The following ME1 variants were observed in gnomAD, a reference collection of about 807,000 sequenced individuals.
ME1 encodes the protein NADP-dependent malic enzyme.
A neutral mutation model predicts 66.4 loss-of-function variants in ME1; 74 were observed. The ratio of observed to expected loss-of-function variants is 1.11; its 90% CI spans 0.92 to 1.35. The LOEUF (loss-of-function observed/expected upper bound fraction) is 1.35, where lower values mean the gene tolerates loss of function less well. Among genes scored for constraint, ME1 ranks in the 40% most tolerant of loss-of-function variants. ME1 has a pLI of 0.00. For missense variants in ME1, 750 were observed against 694.1 expected (o/e 1.08, Z -0.90); for synonymous variants, 251 against 235.6 (o/e 1.07, Z -0.60).
chr6:83,215,764 AGACTTC>A (rs1419069784), intron 13 of ME1, among the ~76,000 whole-genome samples: 1 of 152,192 alleles, frequency 6.6e-6, no homozygotes, highest in Non-Finnish European at 1.5e-5. Context: ...TCTTTATCTT[AGACTTC>A]TAGCTCCCAG....
intron 9 of ME1, among the ~76,000 whole-genome samples, chr6:83,235,470 A>ATTT (rs10691116): frequency 0.24 from 30,733 of 128,004 alleles, 4,261 homozygotes; most frequent in Middle Eastern, 0.29. Context: ...AGCAATAGCT[A>ATTT]TTTTTTTTTT....
intron 3 of ME1, among the ~76,000 whole-genome samples, chr6:83,397,405 C>T (rs12214015): frequency 0.47 from 71,084 of 151,970 alleles, 18,467 homozygotes; most frequent in African/African-American, 0.69. Context: ...TCACAGAAAT[C>T]GAAATTAAAA....
chr6:83,342,045 A>G (rs1034545296), intron 5 of ME1, among the ~76,000 whole-genome samples: 1 of 152,148 alleles, frequency 6.6e-6, no homozygotes, highest in Non-Finnish European at 1.5e-5. Flanking sequence ...TCCACAACCA[A>G]TCAGATGTTT....
At chr6:83,224,428 A>G (rs987037618) in intron 11 of ME1, among the ~76,000 whole-genome samples, 1 of 152,148 alleles carries the variant, frequency 6.6e-6, no homozygotes, top group Non-Finnish European at 1.5e-5. Flanking sequence ...CATGCCTGCA[A>G]TCCCAGCACT....
At chr6:83,267,261 C>A (rs1767004125) in intron 6 of ME1, among the ~76,000 whole-genome samples, 1 of 152,112 alleles carries the variant, frequency 6.6e-6, no homozygotes, top group Admixed American at 6.6e-5. Context: ...CAGATTATTA[C>A]AAACAAATTG....
At chr6:83,404,267 T>G (rs1583419885) in intron 2 of ME1, among the ~76,000 whole-genome samples, 1 of 85,064 alleles carries the variant, frequency 1.2e-5, no homozygotes, top group South Asian at 2.9e-4. Context: ...TGATGATGAG[T>G]TTTTTTTCAT....
chr6:83,242,221 G>A (rs1323618303), intron 7 of ME1, among the ~76,000 whole-genome samples: 2 of 152,112 alleles, frequency 1.3e-5, no homozygotes, highest in Admixed American at 6.6e-5. Context: ...TAAACAGATC[G>A]AATTTTTCTT....
At chr6:83,292,394 C>T (rs116367914) in intron 6 of ME1, among the ~76,000 whole-genome samples, 11 of 152,292 alleles carry the variant, frequency 7.2e-5, no homozygotes, top group African/African-American at 1.7e-4. Flanking sequence ...GCAGTTACTT[C>T]GCAGTTTGCT....
intron 12 of ME1, among the ~76,000 whole-genome samples, chr6:83,220,244 G>T (rs529431428): frequency 6.6e-6 from 1 of 152,190 alleles, no homozygotes; most frequent in South Asian, 2.1e-4. Context: ...TTATCTAAAG[G>T]GTCCTCTGAG....
chr6:83,369,747 A>T (rs1339703342), intron 3 of ME1, among the ~76,000 whole-genome samples: 2 of 152,118 alleles, frequency 1.3e-5, no homozygotes, highest in Non-Finnish European at 2.9e-5. Flanking sequence ...TCCAATCCAT[A>T]GAAAACGATT....
At chr6:83,426,357 T>A (rs1770370489) in intron 1 of ME1, among the ~76,000 whole-genome samples, 1 of 152,244 alleles carries the variant, frequency 6.6e-6, no homozygotes, top group African/African-American at 2.4e-5. Flanking sequence ...GCACACATTT[T>A]GTTATTGTGA....
At chr6:83,300,408 C>T (rs1462262309) in intron 6 of ME1, among the ~76,000 whole-genome samples, 1 of 151,900 alleles carries the variant, frequency 6.6e-6, no homozygotes, top group Non-Finnish European at 1.5e-5. Flanking sequence ...AACTAAAGAG[C>T]TTCTCCACAG....
intron 3 of ME1, chr6:83,393,456 G>T: frequency 1.8e-6 from 1 of 549,968 alleles, no homozygotes; most frequent in South Asian, 2.0e-5. Context: ...GGAAGAGAGC[G>T]GCCCTCACTG....
chr6:83,424,981 A>T (rs1770340847), intron 1 of ME1, among the ~76,000 whole-genome samples: 1 of 151,940 alleles, frequency 6.6e-6, no homozygotes, highest in Admixed American at 6.6e-5. Flanking sequence ...CAGCCTCTGG[A>T]TCTCTAAGGT....
chr6:83,401,678 T>G (rs1286620893), intron 2 of ME1, among the ~76,000 whole-genome samples: 1 of 152,194 alleles, frequency 6.6e-6, no homozygotes, highest in East Asian at 1.9e-4. Context: ...ACTGGGCTCA[T>G]GAACAAAGTG....
intron 3 of ME1, among the ~76,000 whole-genome samples, chr6:83,361,482 G>C (rs1040737215): frequency 3.3e-5 from 5 of 152,210 alleles, no homozygotes; most frequent in African/African-American, 1.2e-4. Flanking sequence ...ACAGGTCCAG[G>C]CTGCTGTGCC....
At chr6:83,269,496 CAT>C (rs1231607734) in intron 6 of ME1, among the ~76,000 whole-genome samples, 1 of 152,080 alleles carries the variant, frequency 6.6e-6, no homozygotes, top group African/African-American at 2.4e-5. Context: ...TAAACAATAA[CAT>C]AAAACATTAC....
chr6:83,408,902 G>T (rs113999479), intron 1 of ME1, among the ~76,000 whole-genome samples: 279 of 152,198 alleles, frequency 1.8e-3, no homozygotes, highest in African/African-American at 6.5e-3. Context: ...TTGGTGTTAT[G>T]GTCTGAACAT....
chr6:83,298,931 GTTTTTTTTTT>G (rs61055748), intron 6 of ME1, among the ~76,000 whole-genome samples: 282 of 22,388 alleles, frequency 0.013, no homozygotes, highest in Admixed American at 0.014. Flanking sequence ...CTATGTGTCT[GTTTTTTTTTT>G]TTTTTTTTTT....
Sources: allele counts gnomAD v4.1 joint callset (sites outside exome capture counted in the v4.1 genomes callset), GRCh38; gene constraint gnomAD v4.1.1; transcripts MANE v1.5; gene names NCBI Gene and HGNC (gene_info 2026-07-23, HGNC 2026-07-21).